Variants in PARD3 observed in about 807,000 individuals in gnomAD.
PARD3 encodes the protein partitioning defective 3 homolog.
Under a neutral mutation model 155.4 loss-of-function variants are expected in PARD3, and 75 were observed. That is an observed-to-expected ratio of 0.48 (90% confidence interval 0.40 to 0.58). The LOEUF is 0.58. PARD3 is among the 20% of genes least tolerant of loss of function. The probability of loss-of-function intolerance (pLI) is 0.00; values close to 1 mark genes in which losing one functional copy is unlikely to be tolerated. For missense variants in PARD3, 1,642 were observed against 1,721.7 expected (o/e 0.95, Z 0.82); for synonymous variants, 576 against 610.5 (o/e 0.94, Z 0.83).
chr10:34,656,067 A>G (rs916018295), intron 2 of PARD3, among the ~76,000 whole-genome samples: 10 of 152,214 alleles, frequency 6.6e-5, no homozygotes, highest in Non-Finnish European at 1.0e-4. Context: ...GCAAAATGTC[A>G]AAATTTTTTA....
At chr10:34,601,907 A>G (rs2089814856) in intron 2 of PARD3, among the ~76,000 whole-genome samples, 1 of 152,294 alleles carries the variant, frequency 6.6e-6, no homozygotes. Flanking sequence ...AAAAATTGCA[A>G]TTCCTGGAAT....
chr10:34,176,198 G>A (rs1257722570), intron 22 of PARD3, among the ~76,000 whole-genome samples: 11 of 152,114 alleles, frequency 7.2e-5, no homozygotes, highest in East Asian at 3.8e-4. Flanking sequence ...CTTCTTTGAC[G>A]TATTAGAGCC....
At position 34,549,716 on chromosome 10, in the gene PARD3, G is replaced by A. The variant is rs887851793; in HGVS notation, c.223-32557C>T. On this transcript the variant is annotated intron_variant, in intron 2 of 24. Transcript: ENST00000374788. ...TTGCCACTATTTTTAAAATTTTCAT[G>A]CTACTATCCTCAAACAGGAATAAAT... Among the ~76,000 whole-genome samples, 3 of 151,968 alleles carry A rather than the reference G, an allele frequency of 2.0e-5. No homozygotes were observed. In the South Asian group the frequency reaches 6.2e-4, roughly 32 times the overall value.
chr10:34,579,527 CTAAA>C (rs1204377083), intron 2 of PARD3, among the ~76,000 whole-genome samples: 1 of 147,062 alleles, frequency 6.8e-6, no homozygotes, highest in Non-Finnish European at 1.5e-5. Flanking sequence ...ACAACGTGAA[CTAAA>C]TAAATAAAAG....
intron 5 of PARD3, among the ~76,000 whole-genome samples, chr10:34,447,479 TCAAAAAAAAAAAAAAAA>T (rs2076802585): frequency 4.2e-5 from 1 of 23,756 alleles, no homozygotes. Context: ...AGACTGCGTC[TCAAAAAAAAAAAAAAAA>T]AAAAAAAAAA....
intron 21 of PARD3, among the ~76,000 whole-genome samples, chr10:34,277,472 C>A (rs1159585056): frequency 1.3e-5 from 2 of 151,728 alleles, no homozygotes; most frequent in Non-Finnish European, 3.0e-5. Flanking sequence ...ACCCTGGTAA[C>A]AGTTCCAATT....
intron 4 of PARD3, among the ~76,000 whole-genome samples, chr10:34,464,734 C>A (rs1054398605): frequency 6.6e-6 from 1 of 152,084 alleles, no homozygotes; most frequent in Non-Finnish European, 1.5e-5. Context: ...TAGGAAAATT[C>A]TCTCAATACA....
rs1266640749 is a variant in PARD3 at position 34,159,288 on chromosome 10, ATGGGCTGTTGAGT to A, written c.3420-27718_3420-27706del. Among the ~76,000 whole-genome samples the A allele has an allele frequency of 3.3e-5, 5 of 152,288 alleles. No homozygotes were observed. The East Asian group carries it at 7.7e-4, about 24-fold the overall frequency. ...TTCTCTTTAGCTTCTACTGCTACTC[ATGGGCTGTTGAGT>A]AGCAAATGAGTTGGTGTAAGTAGGG... On this transcript the variant is annotated intron_variant, in intron 22 of 24. Coordinates refer to ENST00000374788, the MANE Select transcript of PARD3 (RefSeq NM_001184785.2).
chr10:34,473,632 T>G (rs2078509020), intron 3 of PARD3, among the ~76,000 whole-genome samples: 1 of 152,176 alleles, frequency 6.6e-6, no homozygotes, highest in Non-Finnish European at 1.5e-5. Flanking sequence ...CAGACCAAAC[T>G]GAGGACTGGC....
intron 5 of PARD3, among the ~76,000 whole-genome samples, chr10:34,439,531 T>G (rs1324774583): frequency 6.6e-6 from 1 of 152,150 alleles, no homozygotes; most frequent in African/African-American, 2.4e-5. Context: ...AATCTTGGCT[T>G]ACTGCAACCT....
intron 1 of PARD3, among the ~76,000 whole-genome samples, chr10:34,799,057 G>A (rs546678850): frequency 6.6e-6 from 1 of 152,256 alleles, no homozygotes; most frequent in East Asian, 1.9e-4. Context: ...AAGAGCAGTT[G>A]CTCTAGCACC....
chr10:34,245,936 G>A (rs1199841503), intron 22 of PARD3, among the ~76,000 whole-genome samples: 3 of 152,204 alleles, frequency 2.0e-5, no homozygotes, highest in Non-Finnish European at 2.9e-5. Context: ...AGCTGAAGAC[G>A]TGACAGGGAG....
At chr10:34,784,428 G>GCAA in intron 1 of PARD3, among the ~76,000 whole-genome samples, 1 of 148,848 alleles carries the variant, frequency 6.7e-6, no homozygotes, top group Non-Finnish European at 1.5e-5. Flanking sequence ...CACTCTCCTG[G>GCAA]TATTTTCCAA....
At chr10:34,665,127 G>A (rs183738918) in intron 2 of PARD3, among the ~76,000 whole-genome samples, 2 of 152,178 alleles carry the variant, frequency 1.3e-5, no homozygotes, top group African/African-American at 4.8e-5. Flanking sequence ...AACTTTTCAT[G>A]CCTAATACAA....
intron 20 of PARD3, among the ~76,000 whole-genome samples, chr10:34,292,447 A>C (rs1414120411): frequency 1.3e-5 from 2 of 152,192 alleles, no homozygotes; most frequent in Non-Finnish European, 2.9e-5. Flanking sequence ...AAAAGCAGAA[A>C]GCTCCTATTT....
chr10:34,702,672 C>A (rs1010019237), intron 1 of PARD3, among the ~76,000 whole-genome samples: 2 of 152,174 alleles, frequency 1.3e-5, no homozygotes, highest in African/African-American at 4.8e-5. Flanking sequence ...CAGGGCTTAT[C>A]CCCCCAAGGC....
At chr10:34,272,221 G>A (rs934748863) in intron 21 of PARD3, among the ~76,000 whole-genome samples, 6 of 152,086 alleles carry the variant, frequency 3.9e-5, no homozygotes, top group African/African-American at 1.4e-4. Flanking sequence ...AAAAATGTAA[G>A]GGATTCTTTA....
At chr10:34,544,489 C>T (rs2083888967) in intron 2 of PARD3, among the ~76,000 whole-genome samples, 1 of 152,178 alleles carries the variant, frequency 6.6e-6, no homozygotes, top group South Asian at 2.1e-4. Context: ...GAAAGGGTTA[C>T]ATAATGTATT....
intron 7 of PARD3, among the ~76,000 whole-genome samples, chr10:34,395,836 T>A: frequency 8.1e-6 from 1 of 123,784 alleles, no homozygotes; most frequent in East Asian, 2.7e-4. Flanking sequence ...AGAGCGAGAC[T>A]CCGTCTCAAA....
Sources: allele counts gnomAD v4.1 joint callset (sites outside exome capture counted in the v4.1 genomes callset), GRCh38; gene constraint gnomAD v4.1.1; transcripts MANE v1.5; gene names NCBI Gene and HGNC (gene_info 2026-07-23, HGNC 2026-07-21).